MED23: variants seen among roughly 807,000 people sequenced by gnomAD.
The protein encoded by MED23 is mediator complex subunit 23.
In MED23, 105 loss-of-function variants were observed where a neutral mutation model predicts 163.9. The ratio of observed to expected loss-of-function variants is 0.64; its 90% CI spans 0.55 to 0.75. The LOEUF (loss-of-function observed/expected upper bound fraction) is 0.75, where lower values mean the gene tolerates loss of function less well. MED23 is among the 30% of genes least tolerant of loss of function. The pLI, the probability that MED23 is intolerant of heterozygous loss-of-function variation, is 0.00. For synonymous variants in MED23, 561 were observed against 565.6 expected (o/e 0.99, Z 0.12); for missense variants, 1,054 against 1,649.0 (o/e 0.64, Z 6.25).
chr6:131,605,120 T>A, intron 14 of MED23, 120 bp downstream of exon 14: 2 of 839,524 alleles, frequency 2.4e-6, no homozygotes, highest in South Asian at 2.0e-5. Flanking sequence ...TAAAGCTAAC[T>A]TTTTTTTCTC....
At chr6:131,583,977 A>C, downstream of MED23, 2 of 1,551,108 alleles carry the variant, frequency 1.3e-6, no homozygotes, top group South Asian at 2.3e-5. Flanking sequence ...TTTCTTAAGC[A>C]TAGAGTTATC....
At chr6:131,607,437 C>T (rs1383207445) in intron 12 of MED23, among the ~76,000 whole-genome samples, 1 of 151,888 alleles carries the variant, frequency 6.6e-6, no homozygotes, top group African/African-American at 2.4e-5. Context: ...CTCAGCTACT[C>T]GGGAGGCTGA....
chr6:131,620,633 G>A lies in MED23; in HGVS notation c.592C>T (p.His198Tyr). ...TCAGGAAATATAAAATTTACCCAGT[G>A]TGGAAGTTTGCCTTCAGGATACAGT... The part of the protein sequence containing the change: ...RKLYPEGKLP[H>Y]WLLGNLVSDF... Residue 198 changes from histidine to tyrosine, a missense_variant, in exon 7 of 29, where the codon CAC (histidine) becomes TAC (tyrosine). Physicochemically the swap from His to Tyr is moderately conservative, Grantham distance 83 (BLOSUM62 2). Around this residue, in one of 11 missense-constraint regions of MED23, gnomAD observed 227 missense variants for 235.5 expected, o/e 0.96. Transcript: ENST00000368068. 6.2e-7 allele frequency: 1 copy of A among 1,605,576 alleles called. No homozygotes were observed. Among genetic ancestry groups the A allele is most frequent in the Middle Eastern group, 1.8e-4 (1 of 5,664 alleles).
chr6:131,602,683 T>C (rs1775573856), intron 16 of MED23, among the ~76,000 whole-genome samples: 1 of 152,120 alleles, frequency 6.6e-6, no homozygotes, highest in South Asian at 2.1e-4. Context: ...TATATTTTAA[T>C]GTAAAGCAAA....
intron 9 of MED23, among the ~76,000 whole-genome samples, 197 bp downstream of exon 9, chr6:131,618,210 C>T (rs1175272719): frequency 6.6e-6 from 1 of 152,202 alleles, no homozygotes; most frequent in Non-Finnish European, 1.5e-5. Context: ...AGGTGGACCA[C>T]TGGAGCATAA....
chr6:131,615,200 G>T, intron 10 of MED23: 2 of 977,038 alleles, frequency 2.0e-6, no homozygotes, highest in Non-Finnish European at 3.1e-6. Context: ...TAGTGGCCTT[G>T]GTCTCAGCAT....
At chr6:131,596,751 T>A (rs1585479776) in intron 20 of MED23, 63 bp from the exon 21 acceptor site, 2 of 1,448,586 alleles carry the variant, frequency 1.4e-6, no homozygotes, top group East Asian at 2.3e-5. Flanking sequence ...ATGAGGGCCA[T>A]CTGAAAGCCT....
intron 5 of MED23, among the ~76,000 whole-genome samples, chr6:131,623,134 G>GT (rs2114771662): frequency 6.6e-6 from 1 of 152,296 alleles, no homozygotes; most frequent in South Asian, 2.1e-4. Flanking sequence ...TCATAAAAAT[G>GT]TATCAGCTAC....
At chr6:131,596,287 T>C in intron 21 of MED23, 124 bp from the exon 22 acceptor site, 3 of 952,482 alleles carry the variant, frequency 3.1e-6, no homozygotes, top group Non-Finnish European at 4.9e-6. Context: ...TATACTTGAT[T>C]ATACTTTACT....
chr6:131,582,038 T>C (rs547858084), downstream of MED23, among the ~76,000 whole-genome samples: 26 of 152,304 alleles, frequency 1.7e-4, no homozygotes, highest in Admixed American at 5.9e-4. Flanking sequence ...AAAAAGTTTT[T>C]ATTGATACAA....
At position 131,596,248 on chromosome 6, in the gene MED23, A is replaced by AT. The variant is rs147820831; in HGVS notation, c.2779-86dup. 8.0e-3 allele frequency: 10,007 copies of AT among 1,250,962 alleles called. 479 individuals are homozygous for AT. In the African/African-American group the frequency reaches 0.11, roughly 14 times the overall value. The allele number at this position is 1,250,962 out of a possible 1,614,324, so 77.5% of individuals were successfully genotyped here. ...AGCTAAATGTGAAAACATTGTTTAGATTTTTTTTTGCAAGGAAACATTTAA... is the reference window on the plus strand; with the variant it reads ...AGCTAAATGTGAAAACATTGTTTAGATTTTTTTTTTGCAAGGAAACATTTAA... On this transcript the variant is annotated intron_variant, in intron 21 of 28. Transcript: ENST00000368068.
At chr6:131,584,027 T>TGG, downstream of MED23, 1 of 1,208,580 alleles carries the variant, frequency 8.3e-7, no homozygotes, top group Non-Finnish European at 1.2e-6. Context: ...GTTTTTCCAA[T>TGG]TAGTATAAAC....
chr6:131,623,438 G>A lies in MED23; in HGVS notation c.309C>T (p.Asn103=), dbSNP rs1194477324. The change falls in exon 5 of 29, where the codon AAC becomes AAT. Residue 103 remains asparagine, a synonymous_variant. Transcript: ENST00000368068. ...PPRLVCESLI[N]SDTLEWERTQ... is the part of the protein sequence containing the mutation. ...TTCTTTCCCACTCAAGAGTGTCAGA[G>A]TTTATCAGGGATTCACAAACCAGCC... is the stretch of plus-strand genomic sequence containing the variant. The A allele has an allele frequency of 6.2e-7, 1 of 1,614,076 alleles. No individual in the cohort carries two copies. The highest frequency in any genetic ancestry group is 1.7e-5 in the Admixed American group (1 of 60,016).
intron 10 of MED23, among the ~76,000 whole-genome samples, chr6:131,614,131 G>T (rs1000331080): frequency 6.6e-6 from 1 of 152,206 alleles, no homozygotes; most frequent in Non-Finnish European, 1.5e-5. Context: ...TAAATTGACA[G>T]ATTATATGAG....
At chr6:131,603,876 C>G (rs1363575664) in intron 15 of MED23, among the ~76,000 whole-genome samples, 2 of 152,174 alleles carry the variant, frequency 1.3e-5, no homozygotes, top group East Asian at 3.8e-4. Flanking sequence ...TGCATGAGGA[C>G]AGGGACCAGG....
intron 9 of MED23, 106 bp downstream of exon 9, chr6:131,618,301 A>G (rs904236462): frequency 1.3e-6 from 1 of 779,368 alleles, no homozygotes; most frequent in Non-Finnish European, 2.2e-6. Flanking sequence ...TTCATTAAAT[A>G]TTTACTTCTT....
intron 30 of MED23, among the ~76,000 whole-genome samples, chr6:131,574,565 A>G (rs570427155): frequency 1.3e-5 from 2 of 152,330 alleles, no homozygotes; most frequent in East Asian, 3.9e-4. Context: ...CATGGTCATG[A>G]GAATGGAGTT....
intron 30 of MED23, chr6:131,579,020 A>G (rs999627155): frequency 7.0e-7 from 1 of 1,419,100 alleles, no homozygotes; most frequent in African/African-American, 1.4e-5. Context: ...ACTTGTGAAT[A>G]TATGCCTATT....
At chr6:131,602,178 A>G (rs1348900858) in intron 17 of MED23, 40 bp downstream of exon 17, 2 of 1,595,812 alleles carry the variant, frequency 1.3e-6, no homozygotes, top group Non-Finnish European at 1.7e-6. Flanking sequence ...GGCACACTTT[A>G]ATTCATCTGT....
Sources: gnomAD v4.1 joint callset for allele counts (sites outside exome capture counted in the v4.1 genomes callset) on GRCh38, gnomAD v4.1.1 for gene constraint, gnomAD v4.1.1 regional missense constraint, MANE v1.5 for transcripts, NCBI Gene and HGNC (gene_info 2026-07-23, HGNC 2026-07-21) for gene names.